DISC1: variants seen among roughly 807,000 people sequenced by gnomAD.
DISC1 encodes the protein disrupted in schizophrenia 1 protein.
Under a neutral mutation model 84.5 loss-of-function variants are expected in DISC1, and 57 were observed. The observed-to-expected ratio is 0.67, with a 90% CI of 0.55 to 0.84. The LOEUF is 0.84. Ranked by LOEUF, DISC1 falls within the 40% of genes least tolerant of loss-of-function variation. DISC1 has a pLI of 0.00. For missense variants in DISC1, 1,000 were observed against 1,057.8 expected (o/e 0.95, Z 0.76); for synonymous variants, 411 against 415.2 (o/e 0.99, Z 0.12).
chr1:231,975,045 G>A (rs1455005852), intron 10 of DISC1, among the ~76,000 whole-genome samples: 1 of 152,200 alleles, frequency 6.6e-6, no homozygotes, highest in Non-Finnish European at 1.5e-5. Context: ...GTTGCAGTGA[G>A]CTGAGATCGC....
chr1:231,770,728 A>G (rs775203247), intron 5 of DISC1, 107 bp from the exon 6 acceptor site: 3 of 1,532,728 alleles, frequency 2.0e-6, no homozygotes, highest in Non-Finnish European at 1.8e-6. Flanking sequence ...GGAGTTTTGT[A>G]GTTCTGGTGC....
chr1:232,008,505 A>C (rs573935459), intron 10 of DISC1, among the ~76,000 whole-genome samples: 1 of 152,254 alleles, frequency 6.6e-6, no homozygotes, highest in South Asian at 2.1e-4. Flanking sequence ...ATGAGCAGAA[A>C]CTGTGTTGTA....
intron 6 of DISC1, 94 bp downstream of exon 6, chr1:231,771,164 T>C: frequency 6.8e-7 from 1 of 1,465,056 alleles, no homozygotes; most frequent in Non-Finnish European, 9.0e-7. Context: ...TCTAAACATT[T>C]CCCAAGCAGT....
At chr1:231,702,157 G>C (rs2066506409) in intron 3 of DISC1, 133 bp downstream of exon 3, 7 of 1,441,172 alleles carry the variant, frequency 4.9e-6, no homozygotes, top group Non-Finnish European at 6.3e-6. Flanking sequence ...CCAGGGAATA[G>C]TTGACTCTTT....
intron 1 of DISC1, among the ~76,000 whole-genome samples, chr1:231,666,566 A>G (rs536682780): frequency 2.6e-5 from 4 of 152,318 alleles, no homozygotes; most frequent in African/African-American, 9.6e-5. Context: ...ATCTTTTAAC[A>G]AATAATGGTA....
At chr1:231,695,937 G>A (rs551091327) in intron 2 of DISC1, among the ~76,000 whole-genome samples, 1 of 152,278 alleles carries the variant, frequency 6.6e-6, no homozygotes, top group South Asian at 2.1e-4. Flanking sequence ...ATGCAGAGAG[G>A]GAGTGAGGTC....
At chr1:232,029,927 A>T (rs184709580) in intron 12 of DISC1, among the ~76,000 whole-genome samples, 2 of 152,230 alleles carry the variant, frequency 1.3e-5, no homozygotes, top group Admixed American at 6.5e-5. Flanking sequence ...TTTATTAAGA[A>T]GACACTGATT....
chr1:231,718,784 G>A (rs913478665), intron 3 of DISC1, among the ~76,000 whole-genome samples: 5 of 152,158 alleles, frequency 3.3e-5, no homozygotes, highest in African/African-American at 1.2e-4. Flanking sequence ...ATACTGCCTT[G>A]TCCACTGTTT....
chr1:231,702,375 G>A (rs1047698085), intron 3 of DISC1: 2 of 1,017,088 alleles, frequency 2.0e-6, no homozygotes, highest in Non-Finnish European at 2.3e-6. Flanking sequence ...TGATATGCTA[G>A]GGAATATGGG....
chr1:231,830,782 G>T (rs1244044948), intron 9 of DISC1, among the ~76,000 whole-genome samples: 1 of 152,226 alleles, frequency 6.6e-6, no homozygotes, highest in Non-Finnish European at 1.5e-5. Context: ...CCTGAATTCT[G>T]AGAAGGGAAA....
Position 231,974,350 on chromosome 1 carries a change from T to C in DISC1, c.2042+15462T>C, listed in dbSNP as rs184602031. Among the ~76,000 whole-genome samples, 40 of 152,326 alleles carry C rather than the reference T, an allele frequency of 2.6e-4. No homozygotes were observed. The East Asian group carries it at 7.1e-3, about 27-fold the overall frequency. On this transcript the variant is annotated intron_variant, in intron 10 of 12. Coordinates refer to ENST00000439617, the MANE Select transcript of DISC1 (RefSeq NM_018662.3). ...AAATAAACCCAACAACCTTTAAAAA[T>C]TAACATTATTCCTTAATCGGACCAT...
intron 3 of DISC1, among the ~76,000 whole-genome samples, chr1:231,728,409 G>A (rs1573309096): frequency 6.6e-6 from 1 of 152,162 alleles, no homozygotes; most frequent in African/African-American, 2.4e-5. Context: ...TGTCTTCAGG[G>A]GCCTCTGGCT....
At chr1:231,737,541 T>G (rs1390629004) in intron 3 of DISC1, among the ~76,000 whole-genome samples, 1 of 152,204 alleles carries the variant, frequency 6.6e-6, no homozygotes, top group East Asian at 1.9e-4. Flanking sequence ...AGTTATGTTT[T>G]TTTTGACCAC....
At chr1:231,855,284 C>G (rs1209889681) in intron 9 of DISC1, 1 of 943,820 alleles carries the variant, frequency 1.1e-6, no homozygotes, top group Admixed American at 6.2e-5. Flanking sequence ...TTCTATATAA[C>G]ATATGTATAT....
intron 12 of DISC1, among the ~76,000 whole-genome samples, chr1:232,026,797 G>A (rs1361658705): frequency 7.6e-6 from 1 of 130,946 alleles, no homozygotes; most frequent in African/African-American, 2.9e-5. Context: ...TGCCTTGGCT[G>A]GAGTGCAATG....
At chr1:231,807,441 T>C (rs1232138943) in intron 8 of DISC1, among the ~76,000 whole-genome samples, 15 of 152,256 alleles carry the variant, frequency 9.9e-5, no homozygotes. Context: ...CCAATTTTTT[T>C]CTTCCACTTT....
At chr1:231,795,987 T>C (rs984778670) in intron 7 of DISC1, among the ~76,000 whole-genome samples, 1 of 152,202 alleles carries the variant, frequency 6.6e-6, no homozygotes, top group African/African-American at 2.4e-5. Flanking sequence ...AATAGAACAG[T>C]TGGTGACTGT....
chr1:231,993,765 G>C (rs1401958427), intron 10 of DISC1, among the ~76,000 whole-genome samples: 1 of 152,144 alleles, frequency 6.6e-6, no homozygotes, highest in East Asian at 1.9e-4. Flanking sequence ...AAAAAAAATG[G>C]AGAAATTAAG....
intron 10 of DISC1, among the ~76,000 whole-genome samples, chr1:231,975,568 G>A (rs575526014): frequency 6.6e-6 from 1 of 152,214 alleles, no homozygotes; most frequent in Non-Finnish European, 1.5e-5. Flanking sequence ...GGAATCAGTG[G>A]GTGATTGGAT....
Sources: allele counts gnomAD v4.1 joint callset (sites outside exome capture counted in the v4.1 genomes callset), GRCh38; gene constraint gnomAD v4.1.1; transcripts MANE v1.5; gene names NCBI Gene and HGNC (gene_info 2026-07-23, HGNC 2026-07-21).